The following SAP130 variants were observed in gnomAD, a reference collection of about 807,000 sequenced individuals.
The protein encoded by SAP130 is histone deacetylase complex subunit SAP130.
SAP130 carries 16 observed loss-of-function variants against 103.2 expected under a neutral mutation model. That is an observed-to-expected ratio of 0.16 (90% CI 0.10 to 0.24). The LOEUF (loss-of-function observed/expected upper bound fraction) is 0.24. Ranked by LOEUF, SAP130 falls within the 10% of genes least tolerant of loss-of-function variation. SAP130 has a pLI of 1.00. For synonymous variants in SAP130, 477 were observed against 497.0 expected, an observed-to-expected ratio of 0.96 and a Z score of 0.53; for missense variants, 990 against 1,359.7, an observed-to-expected ratio of 0.73 and a Z score of 4.28.
At chr2:127,979,712 T>C (rs1681726511) in intron 14 of SAP130, among the ~76,000 whole-genome samples, 1 of 152,122 alleles carries the variant, frequency 6.6e-6, no homozygotes. Flanking sequence ...CATAGGAACA[T>C]GCTGAAATAC....
intron 2 of SAP130, among the ~76,000 whole-genome samples, chr2:128,019,117 A>T (rs1684981809): frequency 6.6e-6 from 1 of 152,106 alleles, no homozygotes; most frequent in Non-Finnish European, 1.5e-5. Flanking sequence ...AGAAAAAAAA[A>T]AGATATTTTA....
At chr2:127,978,465 G>T (rs1681631492) in intron 14 of SAP130, among the ~76,000 whole-genome samples, 2 of 152,178 alleles carry the variant, frequency 1.3e-5, no homozygotes, top group Non-Finnish European at 2.9e-5. Context: ...TATGCCTATG[G>T]TGTTTATAAA....
intron 1 of SAP130, chr2:128,027,420 G>A (rs1193900729): frequency 2.7e-6 from 3 of 1,121,778 alleles, no homozygotes; most frequent in Non-Finnish European, 3.3e-6. Flanking sequence ...CCCGCCGACT[G>A]CCAGCCAATC....
rs556612969 is a variant in SAP130, at chr2:127,996,281, G to A, written c.1355+69C>T. 7.5e-5 allele frequency: 103 copies of A among 1,380,752 alleles called. No individual in the cohort carries two copies. In the African/African-American group the frequency reaches 1.2e-3, roughly 16 times the overall value. The allele number at this position is 1,380,752 out of a possible 1,614,324, so 85.5% of individuals were successfully genotyped here. A position where few individuals can be genotyped will look rare whatever the true frequency, so the allele number is the denominator to read the frequency against. ...ATAGGCCATATTTGTGGGACACTTT[G>A]TTTTATGCTGATAAAGCAGAACGAT... On this transcript the variant is annotated intron_variant, in intron 11 of 20. Coordinates refer to ENST00000643581, the MANE Select transcript of SAP130 (RefSeq NM_001330301.2). The surrounding 1 kb of genome is among the most constrained non-coding windows in gnomAD (Gnocchi z 4.3).
chr2:128,014,876 A>G lies in SAP130; in HGVS notation c.546T>C (p.Asn182=). The G allele has an allele frequency of 1.2e-6, 2 of 1,614,184 alleles. No individual in the cohort carries two copies. The highest frequency in any genetic ancestry group is 1.1e-5 in the South Asian group (1 of 91,088). ...PSNLHHIMTT[N]VQMSIIRSNA... ...TGCTGCGGATGATAGACATTTGCACATTTGTAGTCATGATGTGATGCAGGT... is the reference window on the plus strand; with the variant it reads ...TGCTGCGGATGATAGACATTTGCACGTTTGTAGTCATGATGTGATGCAGGT... Residue 182 remains asparagine (N), a synonymous_variant, in exon 5 of 21, where the codon AAT becomes AAC. Transcript: ENST00000643581.
rs1355865891 is a variant in SAP130 at position 127,989,733 on chromosome 2, T to C, written c.1611A>G (p.Pro537=). Residue 537 remains proline, a synonymous_variant, in exon 13 of 21, where the codon CCA becomes CCG. Transcript: ENST00000643581. This position sits in a 1 kb window ranked among gnomAD's most constrained non-coding sequence, Gnocchi z 4.6. ...SHARHIQGIQ[P]APISTQGIQP... is the part of the protein sequence containing the mutation. The stretch of plus-strand genomic sequence containing the variant: ...GGATACCCTGGGTACTGATGGGTGC[T>C]GGCTGGATCCCTTGAATATGTCGAG... 1 of 1,614,066 alleles carries C rather than the reference T, an allele frequency of 6.2e-7. No homozygotes were observed. Among genetic ancestry groups the C allele is most frequent in the East Asian group, 2.2e-5 (1 of 44,902 alleles).
intron 2 of SAP130, among the ~76,000 whole-genome samples, chr2:128,022,401 A>C (rs1369370022): frequency 1.3e-5 from 2 of 152,244 alleles, no homozygotes; most frequent in East Asian, 3.8e-4. Flanking sequence ...GGCTATTATG[A>C]ATACAGTTTC....
intron 9 of SAP130, 69 bp downstream of exon 9, chr2:127,999,987 T>A: frequency 6.6e-7 from 1 of 1,515,242 alleles, no homozygotes; most frequent in South Asian, 1.1e-5. Context: ...AGGTGAGAAA[T>A]GAAAAATTAA....
At chr2:128,018,234 TA>T (rs1380999248) in intron 2 of SAP130, among the ~76,000 whole-genome samples, 1 of 144,238 alleles carries the variant, frequency 6.9e-6, no homozygotes, top group Non-Finnish European at 1.5e-5. Context: ...AACATCCTCT[TA>T]GAAAGTTATA....
intron 4 of SAP130, 87 bp downstream of exon 4, chr2:128,016,302 G>T (rs1684771448): frequency 7.5e-7 from 1 of 1,337,594 alleles, no homozygotes; most frequent in African/African-American, 1.5e-5. Flanking sequence ...TTATTACCGT[G>T]ACTAATGTAC....
intron 7 of SAP130, among the ~76,000 whole-genome samples, chr2:128,004,321 A>G (rs1424614875): frequency 1.3e-5 from 2 of 149,414 alleles, no homozygotes; most frequent in South Asian, 2.1e-4. Context: ...ACAACCAAAC[A>G]GGGACTCAGG....
Position 127,950,157 on chromosome 2 carries a change from T to C in SAP130, c.2671+3A>G. The C allele has an allele frequency of 1.2e-6, 2 of 1,614,178 alleles. No homozygotes were observed. The highest frequency in any genetic ancestry group is 8.5e-7 in the Non-Finnish European group (1 of 1,180,012). ...ATAACACAAGTCAGCCTGTGACCAT[T>C]ACCAATATACTCCTTGGGAGGAGAC... is the stretch of plus-strand genomic sequence containing the variant. On this transcript the variant is annotated splice_donor_region_variant and intron_variant, in intron 17 of 20. Coordinates refer to ENST00000643581, the MANE Select transcript of SAP130 (RefSeq NM_001330301.2).
chr2:128,016,081 C>G lies in SAP130; in HGVS notation c.507+308G>C, dbSNP rs139941382. Among the ~76,000 whole-genome samples the G allele has an allele frequency of 3.0e-4, 46 of 152,050 alleles. 1 individual carries two copies. In the South Asian group the frequency reaches 6.2e-3, roughly 21 times the overall value. ...GGCAGTTCTTGACGCTAAAACCAAA[C>G]ACGAACCGGACTCCGGACTCCTCAA... On this transcript the variant is annotated intron_variant, in intron 4 of 20. Coordinates refer to ENST00000643581, the MANE Select transcript of SAP130 (RefSeq NM_001330301.2).
At chr2:127,979,743 T>C (rs1425175435) in intron 14 of SAP130, among the ~76,000 whole-genome samples, 3 of 152,166 alleles carry the variant, frequency 2.0e-5, no homozygotes, top group Admixed American at 6.5e-5. Context: ...AATGACATGG[T>C]ATCTAGGATT....
chr2:128,019,383 T>C (rs1684998514), intron 2 of SAP130, among the ~76,000 whole-genome samples: 1 of 152,156 alleles, frequency 6.6e-6, no homozygotes, highest in South Asian at 2.1e-4. Flanking sequence ...AGCCTCTGCC[T>C]CCGCTGCCCA....
chr2:128,023,690 T>C (rs1241497975), intron 2 of SAP130, among the ~76,000 whole-genome samples: 1 of 152,076 alleles, frequency 6.6e-6, no homozygotes, highest in Non-Finnish European at 1.5e-5. Flanking sequence ...TGAGGCAGAA[T>C]GGTGTGAACC....
In SAP130 at chr2:128,017,882, C is replaced by T. The variant is rs769814495; in HGVS notation, c.146G>A (p.Ser49Asn). 1 of 1,614,214 alleles carries T rather than the reference C, an allele frequency of 6.2e-7. No individual in the cohort carries two copies. The highest frequency in any genetic ancestry group is 1.1e-5 in the South Asian group (1 of 91,080). Reference protein sequence around the residue: ...NDESGRDSEVSAREHMSSSSS... With the variant: ...NDESGRDSEVNAREHMSSSSS... ...GCTGGAACTCATGTGCTCCCTGGCA[C>T]TGACTTCAGAATCTCGACCAGATTC... Residue 49 changes from serine (S) to asparagine (N), a missense_variant, in exon 3 of 21, where the codon AGT (serine) becomes AAT (asparagine). This residue lies in a region of SAP130 where 167 missense variants were observed against 187.4 expected (regional missense o/e 0.89). Coordinates refer to ENST00000643581, the MANE Select transcript of SAP130 (RefSeq NM_001330301.2).
At chr2:127,993,446 T>G in intron 11 of SAP130, 138 bp from the exon 12 acceptor site, 2 of 856,346 alleles carry the variant, frequency 2.3e-6, no homozygotes, top group Non-Finnish European at 3.3e-6. Context: ...AAACAAACTC[T>G]TACATCACAG....
At chr2:128,027,309 C>T (rs1685587758) in intron 1 of SAP130, 1 of 1,157,546 alleles carries the variant, frequency 8.6e-7, no homozygotes, top group Non-Finnish European at 1.1e-6. Context: ...CCGAACCTGC[C>T]CCTGCCTCCC....
Sources: allele counts gnomAD v4.1 joint callset (sites outside exome capture counted in the v4.1 genomes callset), GRCh38; gene constraint gnomAD v4.1.1; regional missense constraint gnomAD v4.1.1; non-coding constraint Gnocchi (gnomAD v3.1); transcripts MANE v1.5; gene names NCBI Gene and HGNC (gene_info 2026-07-23, HGNC 2026-07-21).